The following SOX6 variants were observed in gnomAD, a reference collection of about 807,000 sequenced individuals.
SOX6 encodes the protein transcription factor SOX-6.
A neutral mutation model predicts 97.8 loss-of-function variants in SOX6; 11 were observed. The observed-to-expected ratio is 0.11, with a 90% CI of 0.07 to 0.19. The LOEUF is 0.19. SOX6 is among the 10% of genes least tolerant of loss of function. SOX6 has a pLI of 1.00. For missense variants in SOX6, 810 were observed against 1,039.5 expected, an observed-to-expected ratio of 0.78 and a Z score of 3.04; for synonymous variants, 360 against 371.4, an observed-to-expected ratio of 0.97 and a Z score of 0.35.
chr11:16,579,583 T>G (rs1424827267), intron 4 of SOX6, among the ~76,000 whole-genome samples: 1 of 152,146 alleles, frequency 6.6e-6, no homozygotes, highest in East Asian at 1.9e-4. Context: ...TCTTTACTTC[T>G]CTATGCTCCA....
chr11:15,973,571 G>C (rs1306026930), intron 15 of SOX6, among the ~76,000 whole-genome samples: 4 of 152,218 alleles, frequency 2.6e-5, no homozygotes, highest in Admixed American at 6.5e-5. Context: ...TATAAATCAA[G>C]ATGAGAAGGG....
chr11:16,516,652 C>A, intron 4 of SOX6, among the ~76,000 whole-genome samples: 3 of 150,824 alleles, frequency 2.0e-5, no homozygotes, highest in Middle Eastern at 3.4e-3. Context: ...TCTGAATAGA[C>A]CAATAACAGG....
At chr11:16,713,937 T>C (rs1848198935) in intron 3 of SOX6, among the ~76,000 whole-genome samples, 1 of 152,214 alleles carries the variant, frequency 6.6e-6, no homozygotes, top group Non-Finnish European at 1.5e-5. Flanking sequence ...ATGGTGTCCA[T>C]ACTCACGATT....
intron 13 of SOX6, among the ~76,000 whole-genome samples, chr11:16,009,411 T>G (rs192528392): frequency 6.6e-6 from 1 of 152,016 alleles, no homozygotes; most frequent in African/African-American, 2.4e-5. Flanking sequence ...CAACCAGAAT[T>G]TAAGTCTTCT....
chr11:16,382,319 T>G (rs1409353982), intron 1 of SOX6: 1 of 152,024 alleles, frequency 6.6e-6, no homozygotes, highest in East Asian at 1.9e-4. Context: ...CTTGCCTTTG[T>G]CCTTTGGTGG....
chr11:16,059,422 T>A (rs1171029116), intron 9 of SOX6, among the ~76,000 whole-genome samples: 4 of 151,714 alleles, frequency 2.6e-5, no homozygotes, highest in Admixed American at 6.6e-5. Flanking sequence ...AGAAAATAGC[T>A]CAAACTTTGC....
intron 4 of SOX6, among the ~76,000 whole-genome samples, chr11:16,226,319 T>TTTTTGG (rs1554946262): frequency 1.9e-5 from 1 of 51,414 alleles, no homozygotes; most frequent in Non-Finnish European, 4.0e-5. Context: ...TAATTGTGTT[T>TTTTTGG]TTTTTGTTTT....
At chr11:16,246,463 T>A (rs1853337751) in intron 3 of SOX6, among the ~76,000 whole-genome samples, 1 of 151,876 alleles carries the variant, frequency 6.6e-6, no homozygotes, top group African/African-American at 2.4e-5. Flanking sequence ...GAACTTTTAT[T>A]TTTCTTTAAT....
At chr11:16,423,718 TA>T (rs1859066650) in intron 1 of SOX6, among the ~76,000 whole-genome samples, 1 of 152,070 alleles carries the variant, frequency 6.6e-6, no homozygotes, top group Admixed American at 6.6e-5. Flanking sequence ...AATATAGAGT[TA>T]AACAGGCAGA....
intron 3 of SOX6, among the ~76,000 whole-genome samples, chr11:16,253,349 C>CAA (rs112725769): frequency 9.6e-5 from 14 of 146,484 alleles, no homozygotes; most frequent in South Asian, 2.2e-4. Flanking sequence ...AATTCCGTGT[C>CAA]AAAAAAAAAA....
At chr11:16,615,041 C>T (rs1406821695) in intron 3 of SOX6, among the ~76,000 whole-genome samples, 1 of 152,004 alleles carries the variant, frequency 6.6e-6, no homozygotes, top group Non-Finnish European at 1.5e-5. Flanking sequence ...AGCAACAGGC[C>T]CCCAAGCCGG....
chr11:16,516,556 G>A (rs1432140819), intron 4 of SOX6, among the ~76,000 whole-genome samples: 4 of 151,884 alleles, frequency 2.6e-5, no homozygotes, highest in East Asian at 1.9e-4. Flanking sequence ...ACACCTCTAC[G>A]CAAACAAACT....
At chr11:16,259,157 TA>T (rs1853793194) in intron 3 of SOX6, among the ~76,000 whole-genome samples, 1 of 151,850 alleles carries the variant, frequency 6.6e-6, no homozygotes, top group Admixed American at 6.6e-5. Flanking sequence ...AATATGAAAA[TA>T]TATTTATTTC....
At chr11:16,617,822 A>G (rs1357377396) in intron 3 of SOX6, among the ~76,000 whole-genome samples, 1 of 151,882 alleles carries the variant, frequency 6.6e-6, no homozygotes, top group Non-Finnish European at 1.5e-5. Context: ...TTTACTAACA[A>G]CCAACCACTT....
intron 4 of SOX6, among the ~76,000 whole-genome samples, chr11:16,196,837 T>C (rs1358867920): frequency 6.9e-6 from 1 of 145,106 alleles, no homozygotes; most frequent in Non-Finnish European, 1.5e-5. Flanking sequence ...CTTCTTTTTT[T>C]TTTTTTTTTT....
At chr11:16,496,292 C>A (rs918684405) in intron 4 of SOX6, among the ~76,000 whole-genome samples, 4 of 143,664 alleles carry the variant, frequency 2.8e-5, no homozygotes, top group Non-Finnish European at 6.0e-5. Context: ...TACAGAAGAT[C>A]AATGAGACAC....
At chr11:16,389,682 C>T (rs1330969479) in intron 1 of SOX6, among the ~76,000 whole-genome samples, 4 of 151,990 alleles carry the variant, frequency 2.6e-5, no homozygotes, top group African/African-American at 9.7e-5. Context: ...GTTTAAGAAG[C>T]TTACGGCCGG....
chr11:16,564,229 C>A (rs1847843966), intron 4 of SOX6, among the ~76,000 whole-genome samples: 1 of 152,126 alleles, frequency 6.6e-6, no homozygotes, highest in African/African-American at 2.4e-5. Context: ...CCTTCTCCTC[C>A]TGAATTTTCT....
At chr11:16,309,187 T>C (rs764833996) in intron 3 of SOX6, among the ~76,000 whole-genome samples, 3 of 152,206 alleles carry the variant, frequency 2.0e-5, no homozygotes, top group Non-Finnish European at 2.9e-5. Context: ...AGAAGAAACT[T>C]GTTCACATGT....
Sources: gnomAD v4.1 joint callset for allele counts (sites outside exome capture counted in the v4.1 genomes callset) on GRCh38, gnomAD v4.1.1 for gene constraint, MANE v1.5 for transcripts, NCBI Gene and HGNC (gene_info 2026-07-23, HGNC 2026-07-21) for gene names.